The following MAML3 variants were observed in gnomAD, a reference collection of about 807,000 sequenced individuals.
MAML3 encodes mastermind-like protein 3.
A neutral mutation model predicts 101.9 loss-of-function variants in MAML3; 27 were observed. The observed-to-expected ratio is 0.27, with a 90% CI of 0.20 to 0.37. MAML3 has a LOEUF of 0.37. MAML3 is among the 10% of genes least tolerant of loss of function. The pLI, the probability that MAML3 is intolerant of heterozygous loss-of-function variation, is 1.00. For missense variants in MAML3, 1,316 were observed against 1,444.9 expected (o/e 0.91, Z 1.45); for synonymous variants, 501 against 555.9 (o/e 0.90, Z 1.39).
intron 1 of MAML3, among the ~76,000 whole-genome samples, chr4:140,038,672 A>G (rs1427215595): frequency 6.6e-6 from 1 of 152,216 alleles, no homozygotes; most frequent in Non-Finnish European, 1.5e-5. Context: ...GTAAAAGAGG[A>G]TAATAGTCCC....
chr4:139,885,994 A>G (rs1045268299), intron 2 of MAML3, among the ~76,000 whole-genome samples: 3 of 149,662 alleles, frequency 2.0e-5, no homozygotes, highest in Non-Finnish European at 4.5e-5. Flanking sequence ...AAGAAATAAT[A>G]TAAGAACAAA....
rs756601270 is a variant in MAML3 at position 140,075,800 on chromosome 4, G to A, written c.468+77060C>T. On this transcript the variant is annotated intron_variant, in intron 1 of 4. Coordinates refer to ENST00000509479, the MANE Select transcript of MAML3 (RefSeq NM_018717.5). ...GAGGGGGACAGGGTCTCTCTCTGTC[G>A]CCCAGGCTGGAGTGCAGTGGTATGA... Among the ~76,000 whole-genome samples, 8 of 150,960 alleles carry A rather than the reference G, an allele frequency of 5.3e-5. No individual in the cohort carries two copies. In the East Asian group the frequency reaches 7.9e-4, roughly 15 times the overall value.
intron 2 of MAML3, among the ~76,000 whole-genome samples, chr4:139,888,053 C>G (rs1277478119): frequency 6.6e-6 from 1 of 152,090 alleles, no homozygotes; most frequent in Non-Finnish European, 1.5e-5. Context: ...CATGTGCAGA[C>G]AAGAAGCCAC....
chr4:140,011,742 C>T (rs1282671231), intron 1 of MAML3, among the ~76,000 whole-genome samples: 2 of 152,190 alleles, frequency 1.3e-5, no homozygotes, highest in Non-Finnish European at 2.9e-5. Context: ...TACATCTAAC[C>T]TCTCTGCCTG....
At chr4:139,865,498 T>TTTG (rs568036473) in intron 2 of MAML3, among the ~76,000 whole-genome samples, 2 of 80,068 alleles carry the variant, frequency 2.5e-5, no homozygotes, top group African/African-American at 6.4e-5. Context: ...TTTTTTTTGT[T>TTTG]TTTTTTTTTT....
At chr4:140,138,286 A>G (rs2111050389) in intron 1 of MAML3, among the ~76,000 whole-genome samples, 1 of 152,354 alleles carries the variant, frequency 6.6e-6, no homozygotes, top group Admixed American at 6.5e-5. Flanking sequence ...ATAGGTTCTA[A>G]GAATTAAGTA....
intron 1 of MAML3, among the ~76,000 whole-genome samples, chr4:139,913,800 G>A (rs1732977293): frequency 6.6e-6 from 1 of 152,122 alleles, no homozygotes; most frequent in African/African-American, 2.4e-5. Flanking sequence ...TATTTGGTTA[G>A]GCAGAATAAC....
chr4:139,941,491 G>A (rs1237148033), intron 1 of MAML3, among the ~76,000 whole-genome samples: 2 of 151,968 alleles, frequency 1.3e-5, no homozygotes, highest in South Asian at 2.1e-4. Flanking sequence ...ATTCTGGTAC[G>A]CAAAACTAGG....
intron 1 of MAML3, among the ~76,000 whole-genome samples, chr4:140,000,570 A>G (rs543678643): frequency 6.6e-6 from 1 of 152,328 alleles, no homozygotes; most frequent in Admixed American, 6.5e-5. Flanking sequence ...ACTTACATCA[A>G]AACCAAACTA....
chr4:139,758,702 T>G (rs1729700536), intron 2 of MAML3, among the ~76,000 whole-genome samples: 2 of 152,240 alleles, frequency 1.3e-5, no homozygotes, highest in Admixed American at 6.5e-5. Flanking sequence ...AACAACTGTC[T>G]CAGAATTGGC....
intron 1 of MAML3, among the ~76,000 whole-genome samples, chr4:139,912,465 T>C (rs1280425046): frequency 6.6e-6 from 1 of 152,238 alleles, no homozygotes; most frequent in African/African-American, 2.4e-5. Context: ...AGCAGAAGTC[T>C]AGGCACTGTT....
At chr4:139,749,211 T>C (rs988796139) in intron 2 of MAML3, among the ~76,000 whole-genome samples, 4 of 152,242 alleles carry the variant, frequency 2.6e-5, no homozygotes, top group African/African-American at 9.6e-5. Context: ...TATAAAATTA[T>C]AGCCAAGTTC....
At chr4:139,773,468 C>T (rs1730034765) in intron 2 of MAML3, among the ~76,000 whole-genome samples, 1 of 152,198 alleles carries the variant, frequency 6.6e-6, no homozygotes, top group Non-Finnish European at 1.5e-5. Flanking sequence ...TTATTGGCAC[C>T]TGTTTTCCAT....
chr4:139,858,792 C>T (rs1032419941), intron 2 of MAML3, among the ~76,000 whole-genome samples: 1 of 152,168 alleles, frequency 6.6e-6, no homozygotes, highest in African/African-American at 2.4e-5. Flanking sequence ...GTCACTAACC[C>T]TGCGAACACA....
chr4:140,142,864 C>G (rs147719839), intron 1 of MAML3, among the ~76,000 whole-genome samples: 1 of 152,256 alleles, frequency 6.6e-6, no homozygotes, highest in East Asian at 1.9e-4. Context: ...CAGTGTCAAG[C>G]CATGATCATG....
intron 3 of MAML3, among the ~76,000 whole-genome samples, chr4:139,728,013 C>T (rs1334108696): frequency 6.6e-6 from 1 of 152,104 alleles, no homozygotes; most frequent in Non-Finnish European, 1.5e-5. Context: ...CCCAGGAGTT[C>T]GAGACCAGCC....
At chr4:140,088,416 A>G (rs1209535335) in intron 1 of MAML3, among the ~76,000 whole-genome samples, 1 of 152,126 alleles carries the variant, frequency 6.6e-6, no homozygotes, top group Non-Finnish European at 1.5e-5. Context: ...TATCCTTTGA[A>G]TGATTCTCCT....
At chr4:139,947,214 AT>A (rs1396475679) in intron 1 of MAML3, among the ~76,000 whole-genome samples, 1 of 152,144 alleles carries the variant, frequency 6.6e-6, no homozygotes, top group Non-Finnish European at 1.5e-5. Context: ...TCTTCGGTAG[AT>A]TTTATCCTTG....
chr4:139,761,783 C>A (rs994801019), intron 2 of MAML3, among the ~76,000 whole-genome samples: 1 of 152,126 alleles, frequency 6.6e-6, no homozygotes, highest in African/African-American at 2.4e-5. Context: ...TCTGGAATCA[C>A]AAAAGAAGCT....
Sources: allele counts gnomAD v4.1 joint callset (sites outside exome capture counted in the v4.1 genomes callset), GRCh38; gene constraint gnomAD v4.1.1; transcripts MANE v1.5; gene names NCBI Gene and HGNC (gene_info 2026-07-23, HGNC 2026-07-21).